TMEM181: variants seen among roughly 807,000 people sequenced by gnomAD.
TMEM181 encodes G protein-coupled receptor 178.
A neutral mutation model predicts 71.9 loss-of-function variants in TMEM181; 39 were observed. That is an observed-to-expected ratio of 0.54 (90% CI 0.42 to 0.71). The LOEUF (loss-of-function observed/expected upper bound fraction) is 0.71. Ranked by LOEUF, TMEM181 falls within the 30% of genes least tolerant of loss-of-function variation. TMEM181 has a pLI of 0.00. For missense variants in TMEM181, 595 were observed against 583.0 expected, an observed-to-expected ratio of 1.02 and a Z score of -0.21; for synonymous variants, 245 against 228.8, an observed-to-expected ratio of 1.07 and a Z score of -0.64.
intron 7 of TMEM181, among the ~76,000 whole-genome samples, chr6:158,605,876 C>G (rs906470010): frequency 2.7e-5 from 4 of 148,810 alleles, no homozygotes; most frequent in East Asian, 4.0e-4. Flanking sequence ...GGAGCCCCCC[C>G]AGAGCCCCAG....
chr6:158,628,216 C>T (rs1171593285), intron 13 of TMEM181, 192 bp from the exon 14 acceptor site: 1 of 708,376 alleles, frequency 1.4e-6, no homozygotes, highest in African/African-American at 1.7e-5. Flanking sequence ...GACCAAAAAC[C>T]AGAAGCAGGG....
At chr6:158,576,437 G>A (rs1228282981) in intron 2 of TMEM181, among the ~76,000 whole-genome samples, 2 of 152,006 alleles carry the variant, frequency 1.3e-5, no homozygotes. Context: ...TCCCCCGCTG[G>A]CTAACGTTAC....
intron 5 of TMEM181, among the ~76,000 whole-genome samples, chr6:158,587,530 A>G (rs980942921): frequency 2.0e-5 from 3 of 150,380 alleles, no homozygotes; most frequent in Admixed American, 6.6e-5. Context: ...CAGTCTTGCT[A>G]TGTTGCCCAG....
At chr6:158,625,800 T>C in intron 13 of TMEM181, 46 bp downstream of exon 13, 1 of 1,544,698 alleles carries the variant, frequency 6.5e-7, no homozygotes. Context: ...GAATTTTTCT[T>C]TTACTGTCAG....
At chr6:158,570,414 T>G (rs2128291671) in intron 1 of TMEM181, among the ~76,000 whole-genome samples, 1 of 151,662 alleles carries the variant, frequency 6.6e-6, no homozygotes, top group East Asian at 1.9e-4. Context: ...TTTTTTTTTT[T>G]GTAGTTTCAG....
chr6:158,544,568 C>T (rs112076489), intron 1 of TMEM181, among the ~76,000 whole-genome samples: 1 of 152,184 alleles, frequency 6.6e-6, no homozygotes, highest in African/African-American at 2.4e-5. Context: ...GCGCTCATTT[C>T]CCCAATTTCT....
chr6:158,567,780 T>C (rs1782591483), intron 1 of TMEM181, among the ~76,000 whole-genome samples: 1 of 152,170 alleles, frequency 6.6e-6, no homozygotes, highest in Non-Finnish European at 1.5e-5. Flanking sequence ...CTGAGCTTTC[T>C]CATCTGAAAG....
At chr6:158,542,868 G>GTTTTTTTTT (rs61401561) in intron 1 of TMEM181, among the ~76,000 whole-genome samples, 8 of 73,462 alleles carry the variant, frequency 1.1e-4, no homozygotes, top group Non-Finnish European at 1.7e-4. Context: ...CTCCAGAGTG[G>GTTTTTTTTT]TTTTTTTTTT....
At position 158,633,598 on chromosome 6, in the gene TMEM181, A is replaced by AG. The variant is rs1018922648; in HGVS notation, c.*1712dup. ...GTTATCATCCACGTTAAGTAGTGCT[A>AG]GGTAGGACCTTAGAGATGTTCATGA... On this transcript the variant is annotated 3_prime_UTR_variant, in exon 17 of 17. Coordinates refer to ENST00000684151, the MANE Select transcript of TMEM181 (RefSeq NM_001376852.1). The AG allele has an allele frequency of 2.7e-5, 4 of 146,100 alleles. No homozygotes were observed. The highest frequency in any genetic ancestry group is 1.9e-4 in the East Asian group (1 of 5,204). The allele number at this position is 146,100 out of a possible 1,614,324, so 9.1% of individuals were successfully genotyped here.
chr6:158,628,355 G>A, intron 13 of TMEM181, 53 bp from the exon 14 acceptor site: 1 of 1,548,764 alleles, frequency 6.5e-7, no homozygotes, highest in East Asian at 2.2e-5. Context: ...TCTGAAGCTA[G>A]TGCCGTTTTC....
At chr6:158,617,520 C>G (rs1249829909) in intron 10 of TMEM181, among the ~76,000 whole-genome samples, 1 of 152,120 alleles carries the variant, frequency 6.6e-6, no homozygotes, top group Non-Finnish European at 1.5e-5. Context: ...CTTCTGCTAG[C>G]TTTTGAATGT....
At position 158,633,806 on chromosome 6, in the gene TMEM181, T is replaced by C. The variant is rs769799643; in HGVS notation, c.*1918T>C. ...GATTTTTAAATTTGCAATGATGTTT[T>C]TTTTATTCTGTGTATTGAAAAAAAT... On this transcript the variant is annotated 3_prime_UTR_variant, in exon 17 of 17. Transcript: ENST00000684151. The C allele has an allele frequency of 1.4e-4, 22 of 152,224 alleles. No homozygotes were observed. Among genetic ancestry groups the C allele is most frequent in the Non-Finnish European group, 3.1e-4 (21 of 68,036 alleles). The allele number at this position is 152,224 out of a possible 1,614,324, so 9.4% of individuals were successfully genotyped here.
chr6:158,604,335 C>CGTGT (rs35523450), intron 6 of TMEM181, among the ~76,000 whole-genome samples: 3 of 151,168 alleles, frequency 2.0e-5, no homozygotes, highest in Non-Finnish European at 4.4e-5. Flanking sequence ...TGCGTGCATG[C>CGTGT]GTGTGTGTGT....
chr6:158,611,527 G>T lies in TMEM181; in HGVS notation c.896+2777G>T, dbSNP rs143204008. Reference sequence around the variant, plus strand: ...GCAAATTAAGAGTTCATGGAGTTACGAGAACTATCTTTGGAATCAGCCTTA... The same window carrying T: ...GCAAATTAAGAGTTCATGGAGTTACTAGAACTATCTTTGGAATCAGCCTTA... On this transcript the variant is annotated intron_variant, in intron 10 of 16. Coordinates refer to ENST00000684151, the MANE Select transcript of TMEM181 (RefSeq NM_001376852.1). The T allele has an allele frequency of 9.1e-4, 434 of 477,768 alleles. 1 individual carries two copies. The highest frequency in any genetic ancestry group is 1.6e-3 in the Non-Finnish European group (372 of 237,778). 29.6% of individuals were successfully genotyped at this position (477,768 alleles called of 1,614,324 possible).
At chr6:158,573,678 C>T (rs1400675588) in intron 2 of TMEM181, among the ~76,000 whole-genome samples, 155 bp downstream of exon 2, 4 of 152,200 alleles carry the variant, frequency 2.6e-5, no homozygotes, top group African/African-American at 4.8e-5. Flanking sequence ...CCCAGCCCTG[C>T]GCTTCTAGCT....
At chr6:158,540,263 C>T (rs951207221) in intron 1 of TMEM181, among the ~76,000 whole-genome samples, 7 of 152,182 alleles carry the variant, frequency 4.6e-5, no homozygotes, top group African/African-American at 1.7e-4. Flanking sequence ...TCACGCACTG[C>T]GGATGGGAGG....
intron 2 of TMEM181, among the ~76,000 whole-genome samples, chr6:158,580,202 T>TGC (rs771742440): frequency 5.9e-5 from 9 of 151,896 alleles, no homozygotes; most frequent in Non-Finnish European, 1.2e-4. Flanking sequence ...TGGTGGCGCA[T>TGC]GCCTGTAATC....
chr6:158,544,504 C>T (rs887500537), intron 1 of TMEM181, among the ~76,000 whole-genome samples: 1 of 152,226 alleles, frequency 6.6e-6, no homozygotes, highest in Admixed American at 6.5e-5. Flanking sequence ...ATCACGGTCA[C>T]GTAGCGGGCA....
chr6:158,581,364 T>G (rs1783460644), intron 3 of TMEM181, among the ~76,000 whole-genome samples: 1 of 152,242 alleles, frequency 6.6e-6, no homozygotes, highest in Non-Finnish European at 1.5e-5. Flanking sequence ...GGTTAAGAAT[T>G]GGCCTCTGTC....
Sources: allele counts gnomAD v4.1 joint callset (sites outside exome capture counted in the v4.1 genomes callset), GRCh38; gene constraint gnomAD v4.1.1; transcripts MANE v1.5; gene names NCBI Gene and HGNC (gene_info 2026-07-23, HGNC 2026-07-21).